Variants in STARD13 observed in about 807,000 individuals in gnomAD.
STARD13 encodes the protein stAR-related lipid transfer protein 13.
Under a neutral mutation model 106.4 loss-of-function variants are expected in STARD13, and 62 were observed. That is an observed-to-expected ratio of 0.58 (90% confidence interval 0.48 to 0.72). The LOEUF (loss-of-function observed/expected upper bound fraction) is 0.72. STARD13 is among the 30% of genes least tolerant of loss of function. The pLI, the probability that STARD13 is intolerant of heterozygous loss-of-function variation, is 0.00. For synonymous variants in STARD13, 565 were observed against 553.0 expected (o/e 1.02, Z -0.31); for missense variants, 1,387 against 1,424.0 (o/e 0.97, Z 0.42).
At chr13:33,487,754 C>G in the STARD13 span, among the ~76,000 whole-genome samples, 1 of 152,182 alleles carries the variant, frequency 6.6e-6, no homozygotes, top group Non-Finnish European at 1.5e-5. Context: ...AAGCCACGTT[C>G]CTCAATCTTA....
chr13:33,609,622 A>G, the STARD13 span, among the ~76,000 whole-genome samples: 10 of 148,190 alleles, frequency 6.7e-5, no homozygotes, highest in Admixed American at 6.8e-4. Flanking sequence ...GCTGGAGTGC[A>G]GTGGCAGGAC....
the STARD13 span, among the ~76,000 whole-genome samples, chr13:33,607,233 CA>C: frequency 2.0e-5 from 3 of 149,172 alleles, no homozygotes; most frequent in African/African-American, 7.4e-5. Flanking sequence ...AAAATAATAA[CA>C]AAAATAAAAC....
chr13:33,180,733 AAT>A (rs1356436227), intron 1 of STARD13, among the ~76,000 whole-genome samples: 1 of 152,200 alleles, frequency 6.6e-6, no homozygotes, highest in Non-Finnish European at 1.5e-5. Flanking sequence ...AAGTAATTCA[AAT>A]ACCTTTCAAA....
Position 33,285,519 on chromosome 13 carries a change from C to T in STARD13, c.120G>A (p.Arg40=), listed in dbSNP as rs1892011484. The T allele has an allele frequency of 6.2e-7, 1 of 1,613,922 alleles. No homozygotes were observed. The change falls in exon 1 of 14, where the codon AGG becomes AGA. Residue 40 remains arginine (R), a synonymous_variant. Coordinates refer to ENST00000336934, the MANE Select transcript of STARD13 (RefSeq NM_178006.4). ...GATGGCGTGCTAGAATCCGGCTCAT[C>T]CTGTAAGGAGAGCGTCTTGTAGTCT... ...FDQTTRRSPY[R]MSRILARHQL...
chr13:33,202,863 CTCTT>C (rs1887141982), intron 1 of STARD13, among the ~76,000 whole-genome samples: 1 of 152,110 alleles, frequency 6.6e-6, no homozygotes. Flanking sequence ...CGCTCACTTC[CTCTT>C]TCTGAGAGGG....
chr13:33,361,580 A>C, the STARD13 span, among the ~76,000 whole-genome samples: 2 of 152,230 alleles, frequency 1.3e-5, no homozygotes, highest in Non-Finnish European at 1.5e-5. Flanking sequence ...TTTATAAAGA[A>C]AAGAGGTTTA....
At chr13:33,549,427 A>T in the STARD13 span, among the ~76,000 whole-genome samples, 2 of 152,210 alleles carry the variant, frequency 1.3e-5, no homozygotes, top group Admixed American at 6.5e-5. Context: ...TTGTCCCCTG[A>T]CCAAAATCTA....
the STARD13 span, among the ~76,000 whole-genome samples, chr13:33,493,072 A>G: frequency 6.6e-6 from 1 of 152,202 alleles, no homozygotes; most frequent in Non-Finnish European, 1.5e-5. Context: ...CTGTCGAACA[A>G]GGTTCTGTGG....
chr13:33,651,787 C>G, the STARD13 span, among the ~76,000 whole-genome samples: 18 of 152,196 alleles, frequency 1.2e-4, no homozygotes, highest in Non-Finnish European at 2.5e-4. Flanking sequence ...CACCCCTTCT[C>G]TAGGAGTCTG....
chr13:33,542,485 T>G, the STARD13 span, among the ~76,000 whole-genome samples: 14 of 152,288 alleles, frequency 9.2e-5, no homozygotes, highest in Non-Finnish European at 1.6e-4. Flanking sequence ...CTAGCAAACG[T>G]GCAAACATTG....
chr13:33,403,783 C>A, the STARD13 span, among the ~76,000 whole-genome samples: 186 of 152,290 alleles, frequency 1.2e-3, no homozygotes, highest in African/African-American at 4.1e-3. Context: ...TATTATTCTG[C>A]ATTTTTCCCT....
At chr13:33,507,493 C>T in the STARD13 span, among the ~76,000 whole-genome samples, 1 of 151,898 alleles carries the variant, frequency 6.6e-6, no homozygotes, top group Admixed American at 6.6e-5. Context: ...TCTTTGGGGT[C>T]CTTAATACAT....
the STARD13 span, among the ~76,000 whole-genome samples, chr13:33,428,959 A>G: frequency 6.6e-6 from 1 of 152,332 alleles, no homozygotes; most frequent in South Asian, 2.1e-4. Flanking sequence ...AATGCATATC[A>G]AAACTACAAT....
chr13:33,357,479 T>G, the STARD13 span, among the ~76,000 whole-genome samples: 2 of 152,224 alleles, frequency 1.3e-5, no homozygotes, highest in Non-Finnish European at 2.9e-5. Flanking sequence ...AAGACCTTGC[T>G]CTAGTTTAGC....
the STARD13 span, among the ~76,000 whole-genome samples, chr13:33,642,822 G>A: frequency 2.8e-5 from 4 of 144,354 alleles, no homozygotes; most frequent in African/African-American, 5.2e-5. Context: ...GGAATGCTGG[G>A]AACAAACAAA....
chr13:33,256,265 C>T (rs987175312), intron 1 of STARD13, among the ~76,000 whole-genome samples: 14 of 152,212 alleles, frequency 9.2e-5, no homozygotes, highest in Non-Finnish European at 1.5e-5. Flanking sequence ...ATGTGCATTT[C>T]ATTACCTGCA....
chr13:33,347,729 T>A (rs1343832577), downstream of STARD13, among the ~76,000 whole-genome samples: 1 of 152,230 alleles, frequency 6.6e-6, no homozygotes, highest in Non-Finnish European at 1.5e-5. Context: ...ATACATTCTA[T>A]GATTTACACT....
At chr13:33,135,608 T>A (rs1878950325) in intron 4 of STARD13, among the ~76,000 whole-genome samples, 1 of 152,230 alleles carries the variant, frequency 6.6e-6, no homozygotes, top group Non-Finnish European at 1.5e-5. Flanking sequence ...ATAGCATCAC[T>A]TACCTCATTT....
At chr13:33,383,753 T>C in the STARD13 span, 1 of 46,744 alleles carries the variant, frequency 2.1e-5, no homozygotes, top group Admixed American at 3.9e-4. Flanking sequence ...TGAGACTGTC[T>C]CAAAAAAAAA....
Sources: allele counts gnomAD v4.1 joint callset (sites outside exome capture counted in the v4.1 genomes callset), GRCh38; gene constraint gnomAD v4.1.1; transcripts MANE v1.5; gene names NCBI Gene and HGNC (gene_info 2026-07-23, HGNC 2026-07-21).